Variants in ZC3H7B observed in about 807,000 individuals in gnomAD.
The protein encoded by ZC3H7B is zinc finger CCCH domain-containing protein 7B.
ZC3H7B carries 35 observed loss-of-function variants against 116.0 expected under a neutral mutation model. That is an observed-to-expected ratio of 0.30 (90% CI 0.23 to 0.40). The LOEUF is 0.40. Among genes scored for constraint, ZC3H7B ranks in the 10% least tolerant of loss-of-function variants. ZC3H7B has a pLI of 1.00. For synonymous variants in ZC3H7B, 502 were observed against 545.6 expected, an observed-to-expected ratio of 0.92 and a Z score of 1.11; for missense variants, 1,011 against 1,321.5, an observed-to-expected ratio of 0.77 and a Z score of 3.64.
Position 41,338,953 on chromosome 22 carries a change from C to A in ZC3H7B, c.626-48C>A. 6.7e-7 allele frequency: 1 copy of A among 1,484,836 alleles called. No individual in the cohort carries two copies. The highest frequency in any genetic ancestry group is 9.0e-7 in the Non-Finnish European group (1 of 1,115,516). The allele number at this position is 1,484,836 out of a possible 1,614,324, so 92.0% of individuals were successfully genotyped here. A position where few individuals can be genotyped will look rare whatever the true frequency, so the allele number is the denominator to read the frequency against. On this transcript the variant is annotated intron_variant, in intron 8 of 22. Coordinates refer to ENST00000352645, the MANE Select transcript of ZC3H7B (RefSeq NM_017590.6). This position sits in a 1 kb window ranked among gnomAD's most constrained non-coding sequence, Gnocchi z 4.5. ...ACGGGGCCCGGGACGCCTCCTCCAC[C>A]CTCACCAAGCAGTGCTCCCCTTCGG...
At chr22:41,332,708 G>A (rs1601779863) in intron 7 of ZC3H7B, 1 of 155,594 alleles carries the variant, frequency 6.4e-6, no homozygotes, top group East Asian at 1.9e-4. Context: ...AGGGGCAGCC[G>A]AGACTGAGGA....
At position 41,306,373 on chromosome 22, in the gene ZC3H7B, CT is replaced by C. The variant is rs150362292; in HGVS notation, c.-7+4618del. 5.2e-3 allele frequency among the ~76,000 whole-genome samples: 705 copies of C among 136,118 alleles called. 3 individuals carry two copies. The highest frequency in any genetic ancestry group is 0.014 in the African/African-American group (541 of 37,816). The allele number at this position is 136,118 out of a possible 152,430, so 89.3% of individuals were successfully genotyped here. A position where few individuals can be genotyped will look rare whatever the true frequency, so the allele number is the denominator to read the frequency against. Reference sequence around the variant, plus strand: ...TTTTCCTAAATTAGCTTATTTAATTCTTTTTTTTTTTTTTTTTGAGACGGAG... The same window carrying C: ...TTTTCCTAAATTAGCTTATTTAATTCTTTTTTTTTTTTTTTTGAGACGGAG... On this transcript the variant is annotated intron_variant, in intron 1 of 22. Transcript: ENST00000352645.
At chr22:41,319,139 C>G (rs747364965) in intron 1 of ZC3H7B, among the ~76,000 whole-genome samples, 2 of 152,122 alleles carry the variant, frequency 1.3e-5, no homozygotes, top group African/African-American at 4.8e-5. Context: ...CAGTGGCTCA[C>G]GCCTGTAATC....
chr22:41,342,693 TC>T, intron 12 of ZC3H7B, 65 bp downstream of exon 12: 1 of 1,441,918 alleles, frequency 6.9e-7, no homozygotes, highest in Non-Finnish European at 9.5e-7. Context: ...GAACATGGGA[TC>T]CCAGATCAAA....
intron 1 of ZC3H7B, among the ~76,000 whole-genome samples, chr22:41,303,048 G>C (rs990765286): frequency 6.6e-6 from 1 of 152,204 alleles, no homozygotes; most frequent in Non-Finnish European, 1.5e-5. Context: ...AACTGTGTTG[G>C]ACACAAAATG....
At chr22:41,353,459 G>A (rs2145942819) in intron 17 of ZC3H7B, among the ~76,000 whole-genome samples, 1 of 152,376 alleles carries the variant, frequency 6.6e-6, no homozygotes, top group East Asian at 1.9e-4. Flanking sequence ...AAGCTGCCCT[G>A]TGCTCACATC....
rs911871927 is a variant in ZC3H7B at position 41,302,055 on chromosome 22, G to A, written c.-7+283G>A. Among the ~76,000 whole-genome samples, 1 of 152,164 alleles carries A rather than the reference G, an allele frequency of 6.6e-6. No individual in the cohort carries two copies. On this transcript the variant is annotated intron_variant, in intron 1 of 22. Coordinates refer to ENST00000352645, the MANE Select transcript of ZC3H7B (RefSeq NM_017590.6). This position sits in a 1 kb window ranked among gnomAD's most constrained non-coding sequence, Gnocchi z 5.7. ...TACCGTGTGGCCGGGGGCACCTGGC[G>A]CTGGGGAGACTTGGCCGCCCCTGCA...
Position 41,349,522 on chromosome 22 carries a change from C to T in ZC3H7B, c.1948+221C>T, listed in dbSNP as rs977980981. Among the ~76,000 whole-genome samples, 6 of 152,060 alleles carry T rather than the reference C, an allele frequency of 3.9e-5. No individual in the cohort carries two copies. Among genetic ancestry groups the T allele is most frequent in the Admixed American group, 1.3e-4 (2 of 15,256 alleles). ...TCTGCTCTCAGGGCGCTTCCAGGCT[C>T]GGAGATCTGGGTTTTTCCCTTCGTA... On this transcript the variant is annotated intron_variant, in intron 16 of 22. Coordinates refer to ENST00000352645, the MANE Select transcript of ZC3H7B (RefSeq NM_017590.6). The surrounding 1 kb of genome is among the most constrained non-coding windows in gnomAD (Gnocchi z 4.9).
chr22:41,349,294 G>A lies in ZC3H7B; in HGVS notation c.1941G>A (p.Gln647=). 6.2e-7 allele frequency: 1 copy of A among 1,613,514 alleles called. No individual in the cohort carries two copies. The highest frequency in any genetic ancestry group is 8.5e-7 in the Non-Finnish European group (1 of 1,179,908). The change falls in exon 16 of 23, where the codon CAG becomes CAA. Residue 647 remains glutamine, a synonymous_variant. Transcript: ENST00000352645. This position sits in a 1 kb window ranked among gnomAD's most constrained non-coding sequence, Gnocchi z 4.9. ...AGCTCAAGGTCTGGCTGCTGCAGCAGTACTCAGGTGAGGGGCAGGCGGTGC... is the reference window on the plus strand; with the variant it reads ...AGCTCAAGGTCTGGCTGCTGCAGCAATACTCAGGTGAGGGGCAGGCGGTGC... ...FIELKVWLLQ[Q]YSGMTHEDIV...
At chr22:41,320,331 CAAAAAA>C (rs74353356) in intron 1 of ZC3H7B, among the ~76,000 whole-genome samples, 1 of 86,450 alleles carries the variant, frequency 1.2e-5, no homozygotes, top group Admixed American at 1.2e-4. Context: ...ACTCTGTATC[CAAAAAA>C]AAAAAAAAAA....
At chr22:41,326,017 GC>G in intron 4 of ZC3H7B, 99 bp downstream of exon 4, 1 of 1,369,546 alleles carries the variant, frequency 7.3e-7, no homozygotes, top group Non-Finnish European at 9.9e-7. Context: ...GTAGACCAGG[GC>G]CAGCCTCCTC....
At chr22:41,331,062 G>T (rs1213108116) in intron 6 of ZC3H7B, among the ~76,000 whole-genome samples, 2 of 144,326 alleles carry the variant, frequency 1.4e-5, no homozygotes, top group Admixed American at 1.4e-4. Context: ...GTAGAGATGG[G>T]GTTTCACCGT....
At chr22:41,343,728 C>T (rs1020369070) in intron 13 of ZC3H7B, 152 bp downstream of exon 13, 23 of 1,120,766 alleles carry the variant, frequency 2.1e-5, no homozygotes, top group Middle Eastern at 3.0e-4. Flanking sequence ...TCCTGGGGCC[C>T]GTGCAGGATG....
chr22:41,310,572 G>A (rs1026182686), intron 1 of ZC3H7B, among the ~76,000 whole-genome samples: 3 of 152,172 alleles, frequency 2.0e-5, no homozygotes, highest in African/African-American at 7.2e-5. Flanking sequence ...CTGGGAGCAG[G>A]AGCAGTGACT....
At chr22:41,332,055 G>T in intron 6 of ZC3H7B, 116 bp from the exon 7 acceptor site, 1 of 1,047,480 alleles carries the variant, frequency 9.5e-7, no homozygotes. Context: ...GGACTCTCGG[G>T]GGCGCTGCAG....
At chr22:41,337,164 A>G (rs1278969256) in intron 7 of ZC3H7B, among the ~76,000 whole-genome samples, 2 of 151,690 alleles carry the variant, frequency 1.3e-5, no homozygotes, top group Non-Finnish European at 2.9e-5. Flanking sequence ...AATACAAAAT[A>G]AAAATACAAA....
At position 41,327,497 on chromosome 22, in the gene ZC3H7B, C is replaced by T; in HGVS notation, c.444+133C>T. On this transcript the variant is annotated intron_variant, in intron 5 of 22. Coordinates refer to ENST00000352645, the MANE Select transcript of ZC3H7B (RefSeq NM_017590.6). The surrounding 1 kb of genome is among the most constrained non-coding windows in gnomAD (Gnocchi z 4.5). ...CCCCTGTGACATGGCCATGCAGATCCTGATGTTAACACTAGCTCCCATTCT... is the reference window on the plus strand; with the variant it reads ...CCCCTGTGACATGGCCATGCAGATCTTGATGTTAACACTAGCTCCCATTCT... The T allele has an allele frequency of 1.6e-6, 2 of 1,215,764 alleles. No homozygotes were observed. Among genetic ancestry groups the T allele is most frequent in the Non-Finnish European group, 1.1e-6 (1 of 880,588 alleles). The allele number at this position is 1,215,764 out of a possible 1,614,324, so 75.3% of individuals were successfully genotyped here.
rs776668320 is a variant in ZC3H7B at position 41,356,465 on chromosome 22, G to A, written c.2506G>A (p.Ala836Thr). Residue 836 changes from alanine (A) to threonine (T), a missense_variant, in exon 21 of 23, where the codon GCG becomes ACG. By Grantham distance (58) the Ala-to-Thr change is moderately conservative. Around this residue, in one of 5 missense-constraint regions of ZC3H7B, gnomAD observed 406 missense variants for 590.2 expected, o/e 0.69. Transcript: ENST00000352645. ...GCAGATCCAGATGCCCACGGACTAC[G>A]CGGACATCATGGTAACGCCTCCGCC... Reference protein sequence around the residue: ...EKQIQMPTDYADIMMGYHCWL... With the variant: ...EKQIQMPTDYTDIMMGYHCWL... 9 of 1,613,972 alleles carry A rather than the reference G, an allele frequency of 5.6e-6. No individual in the cohort carries two copies. Among genetic ancestry groups the A allele is most frequent in the African/African-American group, 2.7e-5 (2 of 74,940 alleles).
Position 41,327,296 on chromosome 22 carries a change from C to G in ZC3H7B, c.376C>G (p.Leu126Val), listed in dbSNP as rs768022002. The part of the protein sequence containing the change: ...IRALFRKARA[L>V]NELGRHKEAY... ...GGCGTTGTTCCGCAAGGCACGCGCTCTCAATGAACTGGGACGCCACAAGGA... is the reference window on the plus strand; with the variant it reads ...GGCGTTGTTCCGCAAGGCACGCGCTGTCAATGAACTGGGACGCCACAAGGA... The change falls in exon 5 of 23, where the codon CTC becomes GTC. Residue 126 changes from leucine (L) to valine (V), a missense_variant. Coordinates refer to ENST00000352645, the MANE Select transcript of ZC3H7B (RefSeq NM_017590.6). This position sits in a 1 kb window ranked among gnomAD's most constrained non-coding sequence, Gnocchi z 4.5. The G allele has an allele frequency of 6.2e-7, 1 of 1,613,924 alleles. No homozygotes were observed. The highest frequency in any genetic ancestry group is 8.5e-7 in the Non-Finnish European group (1 of 1,180,046).
Sources: allele counts gnomAD v4.1 joint callset (sites outside exome capture counted in the v4.1 genomes callset), GRCh38; gene constraint gnomAD v4.1.1; regional missense constraint gnomAD v4.1.1; non-coding constraint Gnocchi (gnomAD v3.1); transcripts MANE v1.5; gene names NCBI Gene and HGNC (gene_info 2026-07-23, HGNC 2026-07-21).